Variants in GSE1 observed in about 807,000 individuals in gnomAD.
The protein encoded by GSE1 is genetic suppressor element 1.
GSE1 carries 32 observed loss-of-function variants against 112.6 expected under a neutral mutation model. That is an observed-to-expected ratio of 0.28 (90% CI 0.21 to 0.38). The LOEUF (loss-of-function observed/expected upper bound fraction) is 0.38. Among genes scored for constraint, GSE1 ranks in the 10% least tolerant of loss-of-function variants. The probability of loss-of-function intolerance (pLI) is 1.00; values close to 1 mark genes in which losing one functional copy is unlikely to be tolerated. For synonymous variants in GSE1, 1,115 were observed against 735.6 expected (o/e 1.52, Z -8.35); for missense variants, 2,348 against 1,699.2 (o/e 1.38, Z -6.71).
At chr16:85,369,481 G>T (rs767096824) in intron 2 of GSE1, among the ~76,000 whole-genome samples, 1 of 152,068 alleles carries the variant, frequency 6.6e-6, no homozygotes, top group Non-Finnish European at 1.5e-5. Context: ...CAGTCCTCAA[G>T]CTTCCCAAAG....
intron 1 of GSE1, among the ~76,000 whole-genome samples, chr16:85,342,200 G>A (rs1597440517): frequency 6.6e-6 from 1 of 152,144 alleles, no homozygotes; most frequent in Admixed American, 6.5e-5. Flanking sequence ...CAGAAACCCT[G>A]CCCTGGCGTT....
intron 1 of GSE1, among the ~76,000 whole-genome samples, chr16:85,233,044 C>T (rs533483181): frequency 5.3e-5 from 8 of 152,232 alleles, no homozygotes; most frequent in Non-Finnish European, 8.8e-5. Context: ...TTGCTTTGGT[C>T]CCAGTGGCCT....
exon 1 of GSE1, chr16:85,170,332 A>G: frequency 1.0e-6 from 1 of 985,486 alleles, no homozygotes; most frequent in Non-Finnish European, 1.2e-6. Context: ...GGCCCGGGCC[A>G]GCGTCCTGAG....
chr16:85,581,542 C>T (rs2046447900), intron 1 of GSE1, among the ~76,000 whole-genome samples: 1 of 152,128 alleles, frequency 6.6e-6, no homozygotes, highest in South Asian at 2.1e-4. Flanking sequence ...GGGGAGAGAC[C>T]CCAAGGCAGG....
At chr16:85,638,911 G>C (rs971382208) in intron 2 of GSE1, among the ~76,000 whole-genome samples, 2 of 152,118 alleles carry the variant, frequency 1.3e-5, no homozygotes, top group African/African-American at 4.8e-5. Flanking sequence ...GGCTTCCTCT[G>C]TCCCAGTGGT....
chr16:85,665,898 A>C, intron 12 of GSE1, 78 bp from the exon 13 acceptor site: 1 of 1,394,132 alleles, frequency 7.2e-7, no homozygotes, highest in Non-Finnish European at 1.0e-6. Flanking sequence ...TAAGCTCTAG[A>C]GACCAGGATC....
chr16:85,273,266 C>T (rs1332046324), intron 1 of GSE1, among the ~76,000 whole-genome samples: 1 of 152,136 alleles, frequency 6.6e-6, no homozygotes, highest in East Asian at 1.9e-4. Flanking sequence ...GTCAGCGCAA[C>T]ATCCACTTAG....
At chr16:85,370,073 C>G (rs1020436883) in intron 2 of GSE1, among the ~76,000 whole-genome samples, 23 of 152,156 alleles carry the variant, frequency 1.5e-4, no homozygotes, top group African/African-American at 5.3e-4. Context: ...CTGCGCCACC[C>G]TTGCGGGGCA....
intron 1 of GSE1, among the ~76,000 whole-genome samples, chr16:85,262,008 C>G (rs11149730): frequency 6.6e-6 from 1 of 151,938 alleles, no homozygotes; most frequent in African/African-American, 2.4e-5. Flanking sequence ...AGACTGAGGC[C>G]GAGCAGGTGA....
chr16:85,381,547 G>A lies in GSE1; in HGVS notation c.2464+23904G>A, dbSNP rs149339275. Reference sequence around the variant, plus strand: ...AGCACATACGTAGCTCTTGTTGGGTGCCAATTTAATATTCATAACCTCACT... The same window carrying A: ...AGCACATACGTAGCTCTTGTTGGGTACCAATTTAATATTCATAACCTCACT... On this transcript the variant is annotated intron_variant, in intron 2 of 2. Transcript: ENST00000637419. 1.1e-3 allele frequency among the ~76,000 whole-genome samples: 167 copies of A among 152,296 alleles called. 4 individuals are homozygous for A. In the East Asian group the frequency reaches 0.03, roughly 27 times the overall value.
In GSE1 at chr16:85,304,556, A is replaced by C. The variant is rs1485505224; in HGVS notation, c.2284-52907A>C. Among the ~76,000 whole-genome samples, 4 of 119,388 alleles carry C rather than the reference A, an allele frequency of 3.4e-5. No individual in the cohort carries two copies. In the East Asian group the frequency reaches 8.5e-4, roughly 25 times the overall value. 78.3% of individuals were successfully genotyped at this position (119,388 alleles called of 152,430 possible). ...CTTCAGAAAGGAAAGGGAAGTGGGG[A>C]GCTTTTGAGATTGAAAAGCTGCATG... On this transcript the variant is annotated intron_variant, in intron 1 of 2. Transcript: ENST00000637419.
intron 1 of GSE1, among the ~76,000 whole-genome samples, chr16:85,257,000 T>G (rs1386401146): frequency 3.3e-5 from 5 of 150,742 alleles, no homozygotes; most frequent in African/African-American, 1.2e-4. Context: ...GCTGCTCTTG[T>G]TATTAGCCAA....
rs1471873979 is a variant in GSE1, at chr16:85,269,596, C to T, written c.2284-87867C>T. Among the ~76,000 whole-genome samples, 2 of 149,220 alleles carry T rather than the reference C, an allele frequency of 1.3e-5. 1 individual carries two copies. Among genetic ancestry groups the T allele is most frequent in the African/African-American group, 4.8e-5 (2 of 41,248 alleles). Reference sequence around the variant, plus strand: ...GGACAGAACAGGAGACTCCTGACTCCCCGGTGCTGCCTCCCGTGCTCTGCA... The same window carrying T: ...GGACAGAACAGGAGACTCCTGACTCTCCGGTGCTGCCTCCCGTGCTCTGCA... On this transcript the variant is annotated intron_variant, in intron 1 of 2. Transcript: ENST00000637419.
At chr16:85,328,364 G>C (rs1051609597) in intron 1 of GSE1, among the ~76,000 whole-genome samples, 1 of 152,224 alleles carries the variant, frequency 6.6e-6, no homozygotes, top group African/African-American at 2.4e-5. Flanking sequence ...CACCTCCTCA[G>C]AGGCGTCGGG....
At chr16:85,510,289 G>A (rs1037807835) in intron 2 of GSE1, among the ~76,000 whole-genome samples, 11 of 152,236 alleles carry the variant, frequency 7.2e-5, no homozygotes, top group Admixed American at 2.0e-4. Flanking sequence ...CACTGTGTGA[G>A]GCCCAGCACG....
At chr16:85,390,707 C>CA (rs2047819946) in intron 2 of GSE1, among the ~76,000 whole-genome samples, 2 of 115,856 alleles carry the variant, frequency 1.7e-5, no homozygotes, top group African/African-American at 5.6e-5. Flanking sequence ...GTTCTGCCCC[C>CA]CCCACCCCTC....
chr16:85,614,636 T>C (rs762634400), intron 1 of GSE1, among the ~76,000 whole-genome samples: 17 of 152,096 alleles, frequency 1.1e-4, no homozygotes, highest in Non-Finnish European at 2.4e-4. Context: ...GGCAGCGTGC[T>C]GGCGGTGGGG....
intron 1 of GSE1, among the ~76,000 whole-genome samples, chr16:85,321,130 G>T (rs2046098652): frequency 6.6e-6 from 1 of 152,212 alleles, no homozygotes; most frequent in African/African-American, 2.4e-5. Context: ...GCAACTGGAA[G>T]GACAGGGACC....
At chr16:85,380,384 A>T (rs1402250188) in intron 2 of GSE1, among the ~76,000 whole-genome samples, 1 of 152,192 alleles carries the variant, frequency 6.6e-6, no homozygotes, top group Non-Finnish European at 1.5e-5. Context: ...GGCAGTGCTA[A>T]AACCACCCTC....
Sources: gnomAD v4.1 joint callset for allele counts (sites outside exome capture counted in the v4.1 genomes callset) on GRCh38, gnomAD v4.1.1 for gene constraint, MANE v1.5 for transcripts, NCBI Gene and HGNC (gene_info 2026-07-23, HGNC 2026-07-21) for gene names.